The following NCAM1 variants were observed in gnomAD, a reference collection of about 807,000 sequenced individuals.
NCAM1 encodes the protein neural cell adhesion molecule 1, also known as antigen recognized by monoclonal antibody 5.1H11.
A neutral mutation model predicts 109.8 loss-of-function variants in NCAM1; 14 were observed. That is an observed-to-expected ratio of 0.13 (90% CI 0.08 to 0.20). The LOEUF (loss-of-function observed/expected upper bound fraction) is 0.20. Among genes scored for constraint, NCAM1 ranks in the 10% least tolerant of loss-of-function variants. The pLI is 1.00. For missense variants in NCAM1, 774 were observed against 1,109.9 expected (o/e 0.70, Z 4.30); for synonymous variants, 418 against 442.9 (o/e 0.94, Z 0.70).
intron 1 of NCAM1, among the ~76,000 whole-genome samples, chr11:113,025,809 G>T (rs1053092598): frequency 1.0e-4 from 15 of 150,736 alleles, no homozygotes; most frequent in African/African-American, 3.2e-4. Flanking sequence ...GAGAGAGAGA[G>T]AGAGAGAGAG....
chr11:113,277,224 C>T lies in NCAM1; in HGVS notation c.*1837C>T. 1 of 397,878 alleles carries T rather than the reference C, an allele frequency of 2.5e-6. No individual in the cohort carries two copies. The highest frequency in any genetic ancestry group is 4.4e-6 in the Non-Finnish European group (1 of 225,648). The allele number at this position is 397,878 out of a possible 1,614,324, so 24.6% of individuals were successfully genotyped here. A position where few individuals can be genotyped will look rare whatever the true frequency, so the allele number is the denominator to read the frequency against. ...CTGCCTCTGGGTCCATTCTGTGGGCCACTCTCCCCAACGTTCTGACACTTC... is the reference window on the plus strand; with the variant it reads ...CTGCCTCTGGGTCCATTCTGTGGGCTACTCTCCCCAACGTTCTGACACTTC... On this transcript the variant is annotated 3_prime_UTR_variant, in exon 20 of 20. Coordinates refer to ENST00000316851, the MANE Select transcript of NCAM1 (RefSeq NM_181351.5).
intron 1 of NCAM1, among the ~76,000 whole-genome samples, chr11:113,068,426 A>G (rs781849521): frequency 1.1e-4 from 16 of 152,230 alleles, no homozygotes; most frequent in Non-Finnish European, 2.2e-4. Flanking sequence ...AATTTTGTAT[A>G]AAACACTTGG....
chr11:113,238,136 G>A (rs561252099), intron 14 of NCAM1, among the ~76,000 whole-genome samples: 82 of 152,004 alleles, frequency 5.4e-4, no homozygotes, highest in Non-Finnish European at 9.6e-4. Flanking sequence ...AAGTAACCAC[G>A]ACTCCAAGAA....
chr11:113,012,208 G>A (rs1429056200), intron 1 of NCAM1, among the ~76,000 whole-genome samples: 2 of 151,868 alleles, frequency 1.3e-5, no homozygotes, highest in African/African-American at 4.8e-5. Flanking sequence ...TAGTAGAGAT[G>A]GGTTTTTGCC....
chr11:113,173,887 C>T (rs1315080044), intron 1 of NCAM1, among the ~76,000 whole-genome samples: 1 of 151,888 alleles, frequency 6.6e-6, no homozygotes, highest in Non-Finnish European at 1.5e-5. Flanking sequence ...AGATGGTGGA[C>T]TTGGATTGTT....
chr11:113,243,500 T>C, intron 14 of NCAM1: 1 of 505,062 alleles, frequency 2.0e-6, no homozygotes, highest in Non-Finnish European at 4.0e-6. Context: ...CTGGAATTTA[T>C]CTCTTGACAA....
chr11:113,158,385 G>A (rs1297973822), intron 1 of NCAM1, among the ~76,000 whole-genome samples: 2 of 152,162 alleles, frequency 1.3e-5, no homozygotes, highest in East Asian at 3.9e-4. Flanking sequence ...CATGAAAAAC[G>A]TGGCTAGTTG....
At chr11:113,151,115 C>T (rs782255225) in intron 1 of NCAM1, among the ~76,000 whole-genome samples, 11 of 152,148 alleles carry the variant, frequency 7.2e-5, no homozygotes, top group Admixed American at 6.5e-4. Flanking sequence ...CCTCATGAGC[C>T]ACGTTGACAT....
At chr11:113,244,848 G>A (rs1474027606) in intron 14 of NCAM1, among the ~76,000 whole-genome samples, 3 of 152,146 alleles carry the variant, frequency 2.0e-5, no homozygotes, top group East Asian at 1.9e-4. Context: ...GTCAGCTCAC[G>A]GTGGCAAGGG....
chr11:113,268,143 C>T (rs1327646105), intron 17 of NCAM1, among the ~76,000 whole-genome samples: 3 of 152,170 alleles, frequency 2.0e-5, no homozygotes, highest in Non-Finnish European at 4.4e-5. Context: ...GCTATGGGAT[C>T]CTGAAGACCA....
At chr11:113,058,632 A>C (rs905662699) in intron 1 of NCAM1, among the ~76,000 whole-genome samples, 14 of 152,182 alleles carry the variant, frequency 9.2e-5, no homozygotes, top group Middle Eastern at 3.2e-3. Flanking sequence ...ACTTTCTTTC[A>C]TTATGTCATT....
Position 113,122,244 on chromosome 11 carries a change from A to G in NCAM1, c.53-80135A>G, listed in dbSNP as rs367791505. On this transcript the variant is annotated intron_variant, in intron 1 of 19. Transcript: ENST00000316851. Reference sequence around the variant, plus strand: ...TATTTAATCTTTGAAAGCTGTTGAAACTGGTTTATCGACTAGTCTGAACCC... The same window carrying G: ...TATTTAATCTTTGAAAGCTGTTGAAGCTGGTTTATCGACTAGTCTGAACCC... Among the ~76,000 whole-genome samples the G allele has an allele frequency of 2.6e-5, 4 of 152,326 alleles. No individual in the cohort carries two copies. In the East Asian group the frequency reaches 7.7e-4, roughly 29 times the overall value.
intron 1 of NCAM1, among the ~76,000 whole-genome samples, chr11:113,059,870 A>C (rs1194868237): frequency 6.6e-6 from 1 of 152,194 alleles, no homozygotes; most frequent in Admixed American, 6.5e-5. Flanking sequence ...TATGTAAAGC[A>C]CTTGGCACAA....
At chr11:113,196,204 A>G (rs141213954) in intron 1 of NCAM1, among the ~76,000 whole-genome samples, 2 of 152,248 alleles carry the variant, frequency 1.3e-5, no homozygotes, top group Admixed American at 6.5e-5. Context: ...TCTCCTCCCT[A>G]TTTAATTCTT....
At chr11:113,231,945 C>A in intron 10 of NCAM1, 150 bp downstream of exon 10, 1 of 1,140,424 alleles carries the variant, frequency 8.8e-7, no homozygotes, top group Non-Finnish European at 1.3e-6. Context: ...GAGCTCTGTT[C>A]CCAAGCCACC....
chr11:113,228,808 A>G (rs1944921155), intron 9 of NCAM1, among the ~76,000 whole-genome samples: 1 of 152,212 alleles, frequency 6.6e-6, no homozygotes, highest in African/African-American at 2.4e-5. Context: ...TCTTTGACAA[A>G]CCTGACAAAA....
intron 1 of NCAM1, among the ~76,000 whole-genome samples, chr11:113,114,755 T>A (rs11214501): frequency 0.57 from 85,979 of 152,042 alleles, 24,693 homozygotes; most frequent in African/African-American, 0.61. Context: ...AGTCATAACC[T>A]TTTACTCAGC....
chr11:113,163,482 G>GTTTGAGGT (rs1180426124), intron 1 of NCAM1, among the ~76,000 whole-genome samples: 1 of 152,142 alleles, frequency 6.6e-6, no homozygotes, highest in Non-Finnish European at 1.5e-5. Flanking sequence ...TCAGAGCTAG[G>GTTTGAGGT]TCTGAGGTTC....
At position 113,129,362 on chromosome 11, in the gene NCAM1, C is replaced by A. The variant is rs574516627; in HGVS notation, c.53-73017C>A. Among the ~76,000 whole-genome samples the A allele has an allele frequency of 5.3e-5, 8 of 152,240 alleles. No individual in the cohort carries two copies. In the South Asian group the frequency reaches 1.7e-3, roughly 32 times the overall value. On this transcript the variant is annotated intron_variant, in intron 1 of 19. Transcript: ENST00000316851. Reference sequence around the variant, plus strand: ...GTTTCTACATAATTTTCTGTGCATGCGGAGCTGGAGCTGTACGTCTCCACT... The same window carrying A: ...GTTTCTACATAATTTTCTGTGCATGAGGAGCTGGAGCTGTACGTCTCCACT...
Sources: gnomAD v4.1 joint callset for allele counts (sites outside exome capture counted in the v4.1 genomes callset) on GRCh38, gnomAD v4.1.1 for gene constraint, MANE v1.5 for transcripts, NCBI Gene and HGNC (gene_info 2026-07-23, HGNC 2026-07-21) for gene names.